NHS: variants seen among roughly 807,000 people sequenced by gnomAD.
The protein encoded by NHS is actin remodeling regulator NHS.
In NHS, 5 loss-of-function variants were observed where a neutral mutation model predicts 72.5. The ratio of observed to expected loss-of-function variants is 0.07; its 90% CI spans 0.04 to 0.14. The LOEUF is 0.14. Among genes scored for constraint, NHS ranks in the 10% least tolerant of loss-of-function variants. The pLI, the probability that NHS is intolerant of heterozygous loss-of-function variation, is 1.00. For missense variants in NHS, 1,072 were observed against 1,355.7 expected, an observed-to-expected ratio of 0.79 and a Z score of 3.29; for synonymous variants, 464 against 547.7, an observed-to-expected ratio of 0.85 and a Z score of 2.13.
At chrX:17,644,882 G>A (rs1384066386) in intron 1 of NHS, among the ~76,000 whole-genome samples, 1 of 111,004 alleles carries the variant, frequency 9.0e-6, no homozygotes, top group Non-Finnish European at 1.9e-5. Context: ...TATCTCGGGA[G>A]TATGCATAAG....
intron 1 of NHS, among the ~76,000 whole-genome samples, chrX:17,378,975 C>T (rs2064361416): frequency 9.0e-6 from 1 of 111,669 alleles, no homozygotes. Flanking sequence ...CGGTCACTAG[C>T]GGCATCAGCT....
chrX:17,424,913 G>A (rs925536523), intron 1 of NHS, among the ~76,000 whole-genome samples: 13 of 111,355 alleles, frequency 1.2e-4, no homozygotes, highest in Admixed American at 2.9e-4. Context: ...AGGAACTCAC[G>A]TCTGTTGACT....
rs751188709 is a variant in NHS, at chrX:17,497,308, G to T, written c.565+120986G>T. Among the ~76,000 whole-genome samples, 4 of 111,834 alleles carry T rather than the reference G, an allele frequency of 3.6e-5. No individual in the cohort carries two copies. In the South Asian group the frequency reaches 1.5e-3, roughly 41 times the overall value. ...AGGTTTTGTTTGGTTTCTTTTAAGG[G>T]GTTGCTACCTCTGTCCTCTGTACTG... On this transcript the variant is annotated intron_variant, in intron 1 of 8. Coordinates refer to ENST00000676302, the MANE Select transcript of NHS (RefSeq NM_001291867.2).
intron 1 of NHS, among the ~76,000 whole-genome samples, chrX:17,393,028 A>G (rs146128141): frequency 0.017 from 1,896 of 112,014 alleles, 21 homozygotes; most frequent in Middle Eastern, 0.027. Flanking sequence ...GTTGTAGTTC[A>G]TTTATTTTCA....
At chrX:17,454,425 C>T (rs1336959393) in intron 1 of NHS, among the ~76,000 whole-genome samples, 5 of 111,903 alleles carry the variant, frequency 4.5e-5, no homozygotes, top group South Asian at 3.7e-4. Context: ...GAGGTTCTCC[C>T]GGTACCTGAC....
intron 1 of NHS, among the ~76,000 whole-genome samples, chrX:17,460,484 C>T (rs1377594963): frequency 9.1e-6 from 1 of 110,450 alleles, no homozygotes; most frequent in Non-Finnish European, 1.9e-5. Context: ...TGAAAGCTCA[C>T]CTATTTTAAA....
chrX:17,476,008 T>C (rs192394046), intron 1 of NHS, among the ~76,000 whole-genome samples: 29 of 111,641 alleles, frequency 2.6e-4, no homozygotes, highest in Non-Finnish European at 4.7e-4. Context: ...AGCTCTGATT[T>C]ATCCGCCAGA....
chrX:17,570,435 T>C (rs1311626635), intron 1 of NHS, among the ~76,000 whole-genome samples: 1 of 112,098 alleles, frequency 8.9e-6, no homozygotes, highest in Non-Finnish European at 1.9e-5. Flanking sequence ...ATAGCAATTG[T>C]GAATGGGAAT....
At chrX:17,577,386 G>A (rs1226475390) in intron 1 of NHS, among the ~76,000 whole-genome samples, 3 of 111,343 alleles carry the variant, frequency 2.7e-5, no homozygotes, top group Non-Finnish European at 3.8e-5. Flanking sequence ...TGTATTTCTC[G>A]GGTTACTGAT....
At chrX:17,565,377 G>C (rs1344880995) in intron 1 of NHS, among the ~76,000 whole-genome samples, 1 of 112,547 alleles carries the variant, frequency 8.9e-6, no homozygotes, top group Non-Finnish European at 1.9e-5. Flanking sequence ...ACACCACCAA[G>C]TGTATGCACA....
chrX:17,377,600 C>G (rs1240877710), intron 1 of NHS, among the ~76,000 whole-genome samples: 7 of 113,539 alleles, frequency 6.2e-5, no homozygotes, highest in Non-Finnish European at 1.3e-4. Flanking sequence ...ACCTCTGCCC[C>G]ACAGCCCAGC....
chrX:17,376,088 T>TCGGCGGCGG lies in NHS; in HGVS notation c.342_350dup (p.Ala115_Ala117dup), dbSNP rs587780401. The TCGGCGGCGG allele has an allele frequency of 8.3e-6, 9 of 1,078,392 alleles. No individual in the cohort carries two copies. Among genetic ancestry groups the TCGGCGGCGG allele is most frequent in the South Asian group, 2.4e-5 (1 of 41,969 alleles). The allele number at this position is 1,078,392 out of a possible 1,213,427, so 88.9% of individuals were successfully genotyped here. On this transcript the variant is annotated inframe_insertion, in exon 1 of 9. Transcript: ENST00000676302. ...GGCGCCCGCAGCCGGCGAGGCGTCCTCGGCGGCGGCGGCGGCGGCCGTGCT... is the reference window on the plus strand; with the variant it reads ...GGCGCCCGCAGCCGGCGAGGCGTCCTCGGCGGCGGCGGCGGCGGCGGCGGCGGCCGTGCT...
At chrX:17,623,378 A>G (rs2065783238) in intron 1 of NHS, among the ~76,000 whole-genome samples, 1 of 112,010 alleles carries the variant, frequency 8.9e-6, no homozygotes, top group Non-Finnish European at 1.9e-5. Context: ...GGCCAGGAAG[A>G]CTAAATTTCC....
intron 1 of NHS, among the ~76,000 whole-genome samples, chrX:17,529,305 T>G (rs956396832): frequency 3.6e-5 from 4 of 112,384 alleles, no homozygotes; most frequent in African/African-American, 1.3e-4. Context: ...TGGATGCCTT[T>G]ATTATGTGTC....
chrX:17,390,689 G>A (rs1248817533), intron 1 of NHS, among the ~76,000 whole-genome samples: 1 of 112,021 alleles, frequency 8.9e-6, no homozygotes, highest in African/African-American at 3.2e-5. Context: ...AGAGATGTTG[G>A]AACCCTGCTC....
At chrX:17,510,893 G>A (rs1347959290) in intron 1 of NHS, among the ~76,000 whole-genome samples, 1 of 111,844 alleles carries the variant, frequency 8.9e-6, no homozygotes, top group African/African-American at 3.3e-5. Flanking sequence ...TTATTCATTT[G>A]ACCAGCCTCA....
At chrX:17,521,553 G>C (rs1373729194) in intron 1 of NHS, among the ~76,000 whole-genome samples, 1 of 110,576 alleles carries the variant, frequency 9.0e-6, no homozygotes, top group Non-Finnish European at 1.9e-5. Context: ...AGTAGAGACA[G>C]GGTCTTACTG....
chrX:17,723,766 T>TGCGC (rs1360570220), intron 5 of NHS, among the ~76,000 whole-genome samples: 1 of 97,713 alleles, frequency 1.0e-5, no homozygotes, highest in African/African-American at 4.5e-5. Flanking sequence ...TGTGTGTGTG[T>TGCGC]GTGTGCGCGC....
chrX:17,428,716 AC>A (rs1424643290), intron 1 of NHS, among the ~76,000 whole-genome samples: 2 of 111,673 alleles, frequency 1.8e-5, no homozygotes, highest in African/African-American at 6.5e-5. Context: ...GTCTCTGGGG[AC>A]CCCAGTGGTA....
Sources: gnomAD v4.1 joint callset for allele counts (sites outside exome capture counted in the v4.1 genomes callset) on GRCh38, gnomAD v4.1.1 for gene constraint, MANE v1.5 for transcripts, NCBI Gene and HGNC (gene_info 2026-07-23, HGNC 2026-07-21) for gene names.